Variants in TTC23 observed in about 807,000 individuals in gnomAD.
The protein encoded by TTC23 is tetratricopeptide repeat domain 23.
A neutral mutation model predicts 55.1 loss-of-function variants in TTC23; 58 were observed. That is an observed-to-expected ratio of 1.05 (90% CI 0.85 to 1.31). TTC23 has a LOEUF of 1.31. TTC23 is among the 50% of genes most tolerant of loss of function. The pLI, the probability that TTC23 is intolerant of heterozygous loss-of-function variation, is 0.00. For missense variants in TTC23, 516 were observed against 534.4 expected, an observed-to-expected ratio of 0.97 and a Z score of 0.34; for synonymous variants, 203 against 199.9, an observed-to-expected ratio of 1.02 and a Z score of -0.13.
intron 9 of TTC23, among the ~76,000 whole-genome samples, chr15:99,185,839 T>C (rs1192010688): frequency 6.6e-6 from 1 of 152,222 alleles, no homozygotes; most frequent in Non-Finnish European, 1.5e-5. Context: ...CTTCCTTGTG[T>C]TGGCTCTCCA....
At chr15:99,139,765 T>A in intron 12 of TTC23, 2 of 1,305,786 alleles carry the variant, frequency 1.5e-6, no homozygotes. Context: ...TTTAAAAAAA[T>A]AGTTTTGTTT....
At chr15:99,138,205 A>G in intron 13 of TTC23, 78 bp from the exon 14 acceptor site, 1 of 1,574,000 alleles carries the variant, frequency 6.4e-7, no homozygotes, top group Non-Finnish European at 8.6e-7. Flanking sequence ...TTTGCTGCCC[A>G]GCAGGTGCCC....
intron 3 of TTC23, among the ~76,000 whole-genome samples, chr15:99,240,208 G>A (rs1390719542): frequency 7.9e-5 from 12 of 152,318 alleles, no homozygotes; most frequent in African/African-American, 2.6e-4. Context: ...ATAAGTAAGA[G>A]GCCCTGCAGT....
At chr15:99,225,953 T>C (rs1412732726) in intron 5 of TTC23, among the ~76,000 whole-genome samples, 1 of 152,232 alleles carries the variant, frequency 6.6e-6, no homozygotes, top group Non-Finnish European at 1.5e-5. Flanking sequence ...GAGCGCCCCA[T>C]GTCACACCTG....
At position 99,226,971 on chromosome 15, in the gene TTC23, C is replaced by T. The variant is rs76819224; in HGVS notation, c.180+1562G>A. On this transcript the variant is annotated intron_variant, in intron 5 of 13. Coordinates refer to ENST00000394132, the MANE Select transcript of TTC23 (RefSeq NM_001288615.3). Reference sequence around the variant, plus strand: ...ATTCTTCACCAGAACCACAGAACAACGAAATGTTTAATACCATTCTAGTTA... The same window carrying T: ...ATTCTTCACCAGAACCACAGAACAATGAAATGTTTAATACCATTCTAGTTA... Among the ~76,000 whole-genome samples the T allele has an allele frequency of 5.1e-3, 783 of 152,284 alleles. 46 individuals carry two copies. In the East Asian group the frequency reaches 0.13, roughly 25 times the overall value.
chr15:99,139,025 A>AT, intron 13 of TTC23: 1 of 451,754 alleles, frequency 2.2e-6, no homozygotes, highest in Non-Finnish European at 4.1e-6. Flanking sequence ...GGCCACAGGG[A>AT]TTCCCGGGGC....
chr15:99,167,451 A>G (rs764919585), intron 10 of TTC23, among the ~76,000 whole-genome samples: 1 of 152,198 alleles, frequency 6.6e-6, no homozygotes, highest in Admixed American at 6.5e-5. Flanking sequence ...CAAGGCCACG[A>G]ATCTTCTATT....
intron 11 of TTC23, among the ~76,000 whole-genome samples, 156 bp downstream of exon 11, chr15:99,161,584 G>A (rs1023539137): frequency 1.3e-5 from 2 of 152,204 alleles, no homozygotes; most frequent in African/African-American, 4.8e-5. Flanking sequence ...TCTGGAAGCT[G>A]CCCCAAAGGA....
In TTC23 at chr15:99,148,510, T is replaced by A. The variant is rs944659816; in HGVS notation, c.1143+7638A>T. 3 of 152,162 alleles carry A rather than the reference T, an allele frequency of 2.0e-5. No individual in the cohort carries two copies. In the South Asian group the frequency reaches 6.2e-4, roughly 32 times the overall value. 9.4% of individuals were successfully genotyped at this position (152,162 alleles called of 1,614,324 possible). A position where few individuals can be genotyped will look rare whatever the true frequency, so the allele number is the denominator to read the frequency against. ...TTTGAAGAAAGGGGTCACATACAAT[T>A]TTTTGTGTGTGGAAATGTTTAATGC... is the stretch of plus-strand genomic sequence containing the variant. On this transcript the variant is annotated intron_variant, in intron 12 of 13. Coordinates refer to ENST00000394132, the MANE Select transcript of TTC23 (RefSeq NM_001288615.3).
At chr15:99,216,928 T>TAA (rs2077516727) in intron 8 of TTC23, among the ~76,000 whole-genome samples, 2 of 152,248 alleles carry the variant, frequency 1.3e-5, no homozygotes, top group African/African-American at 4.8e-5. Flanking sequence ...TGAAGCTGTG[T>TAA]AAGGATGGTC....
At chr15:99,247,559 T>C (rs972664719) in intron 1 of TTC23, among the ~76,000 whole-genome samples, 8 of 152,184 alleles carry the variant, frequency 5.3e-5, no homozygotes, top group African/African-American at 1.2e-4. Context: ...TACTACAACA[T>C]GGATGAACCT....
At chr15:99,169,627 C>T (rs2072638759) in intron 10 of TTC23, among the ~76,000 whole-genome samples, 1 of 152,096 alleles carries the variant, frequency 6.6e-6, no homozygotes, top group South Asian at 2.1e-4. Context: ...GCTGAAAAGG[C>T]AGGCCACAGG....
intron 5 of TTC23, among the ~76,000 whole-genome samples, chr15:99,226,193 T>G (rs2078396871): frequency 6.6e-6 from 1 of 152,252 alleles, no homozygotes; most frequent in East Asian, 1.9e-4. Flanking sequence ...GATTGTTTTC[T>G]GTAAAGGACA....
intron 6 of TTC23, among the ~76,000 whole-genome samples, chr15:99,219,756 G>A (rs937338258): frequency 6.6e-6 from 1 of 151,966 alleles, no homozygotes; most frequent in Non-Finnish European, 1.5e-5. Flanking sequence ...GCACGTCCCT[G>A]TATTCCCATC....
chr15:99,173,219 C>A (rs1271869859), intron 10 of TTC23, among the ~76,000 whole-genome samples: 1 of 152,190 alleles, frequency 6.6e-6, no homozygotes, highest in Admixed American at 6.5e-5. Context: ...CTTTCCAGGT[C>A]AAAAGTCACG....
chr15:99,211,386 AC>A (rs74410700), intron 8 of TTC23, among the ~76,000 whole-genome samples: 29 of 151,514 alleles, frequency 1.9e-4, no homozygotes, highest in Non-Finnish European at 2.4e-4. Flanking sequence ...AAACAAACAA[AC>A]AAAAAAAAAG....
intron 8 of TTC23, 111 bp from the exon 9 acceptor site, chr15:99,200,207 G>A (rs1017635001): frequency 3.1e-5 from 31 of 1,004,814 alleles, no homozygotes; most frequent in South Asian, 1.2e-4. Context: ...GTTCAGGTTC[G>A]TTTCCTTGCT....
intron 10 of TTC23, among the ~76,000 whole-genome samples, chr15:99,163,086 A>AAAAC (rs139212554): frequency 0.59 from 88,102 of 150,178 alleles, 26,065 homozygotes; most frequent in East Asian, 0.83. Flanking sequence ...CCTGTCTCAA[A>AAAAC]AAACAAACAA....
intron 9 of TTC23, among the ~76,000 whole-genome samples, chr15:99,191,600 C>G (rs1162155983): frequency 6.6e-6 from 1 of 152,200 alleles, no homozygotes; most frequent in African/African-American, 2.4e-5. Flanking sequence ...ACTTGCTCCT[C>G]CTTGCCTTCT....
Sources: gnomAD v4.1 joint callset for allele counts (sites outside exome capture counted in the v4.1 genomes callset) on GRCh38, gnomAD v4.1.1 for gene constraint, MANE v1.5 for transcripts, NCBI Gene and HGNC (gene_info 2026-07-23, HGNC 2026-07-21) for gene names.